Variants in ZNF644 observed in about 807,000 individuals in gnomAD.
The protein encoded by ZNF644 is zinc finger motif enhancer binding protein 2.
ZNF644 carries 20 observed loss-of-function variants against 108.0 expected under a neutral mutation model. The ratio of observed to expected loss-of-function variants is 0.19; its 90% CI spans 0.13 to 0.27. ZNF644 has a LOEUF of 0.27. Among genes scored for constraint, ZNF644 ranks in the 10% least tolerant of loss-of-function variants. The probability of loss-of-function intolerance (pLI) is 1.00; values close to 1 mark genes in which losing one functional copy is unlikely to be tolerated. For synonymous variants in ZNF644, 542 were observed against 539.1 expected, an observed-to-expected ratio of 1.01 and a Z score of -0.08; for missense variants, 1,338 against 1,548.9, an observed-to-expected ratio of 0.86 and a Z score of 2.29.
intron 1 of ZNF644, among the ~76,000 whole-genome samples, chr1:91,019,086 A>G (rs991151080): frequency 1.1e-4 from 17 of 152,222 alleles, no homozygotes; most frequent in Admixed American, 2.6e-4. Flanking sequence ...TAAAACCTTA[A>G]AACAATTTAA....
chr1:90,953,503 T>G (rs190469693), intron 2 of ZNF644, among the ~76,000 whole-genome samples: 1 of 151,640 alleles, frequency 6.6e-6, no homozygotes, highest in Non-Finnish European at 1.5e-5. Context: ...GTAACCAACC[T>G]ACACATCCTG....
At chr1:91,013,451 TCACACACACACACACACACACA>T (rs10590932) in intron 1 of ZNF644, among the ~76,000 whole-genome samples, 1 of 140,052 alleles carries the variant, frequency 7.1e-6, no homozygotes, top group African/African-American at 2.6e-5. Context: ...AATCTCTCTC[TCACACACACACACACACACACA>T]CACACACACA....
At chr1:90,920,089 T>C (rs966139954) in intron 4 of ZNF644, among the ~76,000 whole-genome samples, 1 of 152,050 alleles carries the variant, frequency 6.6e-6, no homozygotes, top group Admixed American at 6.6e-5. Flanking sequence ...GAGTGATTCA[T>C]ACACTAGAAA....
At chr1:90,951,962 T>A (rs776901870) in intron 2 of ZNF644, among the ~76,000 whole-genome samples, 1 of 152,078 alleles carries the variant, frequency 6.6e-6, no homozygotes, top group Non-Finnish European at 1.5e-5. Context: ...GCAAAGCACA[T>A]AATAGGAAAA....
intron 5 of ZNF644, 42 bp downstream of exon 5, chr1:90,918,010 A>C: frequency 6.6e-7 from 1 of 1,506,558 alleles, no homozygotes; most frequent in Non-Finnish European, 9.2e-7. Flanking sequence ...TTCAAAGCAA[A>C]GTATGAAGAA....
chr1:90,982,493 C>A, intron 1 of ZNF644, 123 bp from the exon 2 acceptor site: 2 of 677,290 alleles, frequency 3.0e-6, no homozygotes, highest in Non-Finnish European at 2.5e-6. Context: ...CTTGATATAA[C>A]ATAAAAAAAC....
intron 2 of ZNF644, among the ~76,000 whole-genome samples, chr1:90,970,984 G>A (rs1273730635): frequency 5.3e-5 from 7 of 131,550 alleles, no homozygotes. Flanking sequence ...TAGCAATGGA[G>A]CGAGACTCCA....
intron 1 of ZNF644, chr1:91,020,327 G>A (rs1315256742): frequency 6.6e-6 from 1 of 152,168 alleles, no homozygotes; most frequent in Admixed American, 6.5e-5. Flanking sequence ...GTGATCTAAT[G>A]TGTTTAAATA....
intron 2 of ZNF644, among the ~76,000 whole-genome samples, chr1:90,974,058 A>G (rs1034478251): frequency 1.3e-5 from 2 of 152,170 alleles, no homozygotes; most frequent in Admixed American, 6.5e-5. Context: ...GATGTGTCAC[A>G]CAGAGATGCC....
At chr1:91,018,183 A>T (rs1238136740) in intron 1 of ZNF644, among the ~76,000 whole-genome samples, 1 of 152,146 alleles carries the variant, frequency 6.6e-6, no homozygotes, top group African/African-American at 2.4e-5. Flanking sequence ...GAAGAGGAGA[A>T]ATCTTTTAGC....
chr1:90,969,349 GC>G (rs1174976857), intron 2 of ZNF644, among the ~76,000 whole-genome samples: 1 of 152,160 alleles, frequency 6.6e-6, no homozygotes, highest in Non-Finnish European at 1.5e-5. Context: ...TGGACTTCTA[GC>G]CTCCAGAAAT....
At chr1:90,975,392 G>C (rs115006680) in intron 2 of ZNF644, among the ~76,000 whole-genome samples, 1,807 of 151,446 alleles carry the variant, frequency 0.012, 38 homozygotes, top group African/African-American at 0.042. Flanking sequence ...CTGAGCCCAC[G>C]GGCTTCAGCC....
At chr1:91,009,992 A>C (rs1226423106) in intron 1 of ZNF644, among the ~76,000 whole-genome samples, 1 of 152,084 alleles carries the variant, frequency 6.6e-6, no homozygotes, top group East Asian at 1.9e-4. Context: ...CAAAGATAAT[A>C]ATCACCAACT....
intron 2 of ZNF644, among the ~76,000 whole-genome samples, chr1:90,973,800 A>G (rs1425338490): frequency 6.6e-6 from 1 of 152,186 alleles, no homozygotes; most frequent in Non-Finnish European, 1.5e-5. Flanking sequence ...AAGTCATTCA[A>G]TTTATAGGTG....
At chr1:90,985,710 C>A (rs1657021601) in intron 1 of ZNF644, among the ~76,000 whole-genome samples, 1 of 152,162 alleles carries the variant, frequency 6.6e-6, no homozygotes, top group South Asian at 2.1e-4. Context: ...CAATGATGGA[C>A]ACCTAGGTTG....
chr1:90,963,565 TC>T (rs1185314318), intron 2 of ZNF644, among the ~76,000 whole-genome samples: 17 of 152,218 alleles, frequency 1.1e-4, no homozygotes, highest in African/African-American at 4.1e-4. Context: ...AGCCCAAACC[TC>T]CTACAGTAAC....
chr1:90,997,891 G>A (rs1658312352), intron 1 of ZNF644, among the ~76,000 whole-genome samples: 2 of 152,244 alleles, frequency 1.3e-5, no homozygotes, highest in Admixed American at 1.3e-4. Flanking sequence ...GGCACACCAG[G>A]AGATTATATC....
intron 2 of ZNF644, among the ~76,000 whole-genome samples, chr1:90,950,016 G>A (rs559121902): frequency 1.4e-4 from 22 of 151,788 alleles, no homozygotes; most frequent in African/African-American, 5.1e-4. Flanking sequence ...AGTGGCTCAC[G>A]CCTGTAATCC....
At position 90,938,725 on chromosome 1, in the gene ZNF644, C is replaced by T; in HGVS notation, c.2629G>A (p.Glu877Lys). The T allele has an allele frequency of 6.2e-7, 1 of 1,613,882 alleles. No homozygotes were observed. The highest frequency in any genetic ancestry group is 8.5e-7 in the Non-Finnish European group (1 of 1,179,904). The change falls in exon 3 of 6, where the codon GAA becomes AAA. Residue 877 changes from glutamate (E) to lysine (K), a missense_variant. By Grantham distance (56) the Glu-to-Lys change is moderately conservative (BLOSUM62 1). Coordinates refer to ENST00000337393, the MANE Select transcript of ZNF644 (RefSeq NM_201269.3). The surrounding 1 kb of genome is among the most constrained non-coding windows in gnomAD (Gnocchi z 4.2). Reference sequence around the variant, plus strand: ...TCTTGATTAATATCACTATAGGTTTCATCTTCTATGGCCTGTGTAGTGTAG... The same window carrying T: ...TCTTGATTAATATCACTATAGGTTTTATCTTCTATGGCCTGTGTAGTGTAG... ...GDYTTQAIEDETYSDINQEHV... is the reference protein window; with the variant it reads ...GDYTTQAIEDKTYSDINQEHV...
Sources: allele counts gnomAD v4.1 joint callset (sites outside exome capture counted in the v4.1 genomes callset), GRCh38; gene constraint gnomAD v4.1.1; non-coding constraint Gnocchi (gnomAD v3.1); transcripts MANE v1.5; gene names NCBI Gene and HGNC (gene_info 2026-07-23, HGNC 2026-07-21).